GALNT18: variants seen among roughly 807,000 people sequenced by gnomAD.
The protein encoded by GALNT18 is polypeptide N-acetylgalactosaminyltransferase 18, also known as GalNAc-transferase 18.
A neutral mutation model predicts 69.5 loss-of-function variants in GALNT18; 44 were observed. The observed-to-expected ratio is 0.63, with a 90% CI of 0.50 to 0.81. The LOEUF (loss-of-function observed/expected upper bound fraction) is 0.81, where lower values mean the gene tolerates loss of function less well. GALNT18 is among the 40% of genes least tolerant of loss of function. The pLI is 0.00. For missense variants in GALNT18, 715 were observed against 810.0 expected (o/e 0.88, Z 1.42); for synonymous variants, 364 against 318.2 (o/e 1.14, Z -1.53).
rs1226603549 is a variant in GALNT18 at position 11,550,278 on chromosome 11, G to T, written c.235+71081C>A. ...TGGGATCTAGTCTCCTGGATCAGCA[G>T]GTTGCTAACACCTCTTCCCCAAAGG... is the stretch of plus-strand genomic sequence containing the variant. On this transcript the variant is annotated intron_variant, in intron 1 of 10. Coordinates refer to ENST00000227756, the MANE Select transcript of GALNT18 (RefSeq NM_198516.3). Among the ~76,000 whole-genome samples the T allele has an allele frequency of 4.6e-5, 7 of 152,324 alleles. No individual in the cohort carries two copies. The East Asian group carries it at 1.4e-3, about 29-fold the overall frequency.
intron 1 of GALNT18, among the ~76,000 whole-genome samples, chr11:11,544,223 T>G (rs1263491466): frequency 6.6e-6 from 1 of 152,170 alleles, no homozygotes; most frequent in East Asian, 1.9e-4. Flanking sequence ...GTAATGGACA[T>G]TGAGGGGACC....
intron 6 of GALNT18, among the ~76,000 whole-genome samples, chr11:11,348,034 C>T (rs1415809444): frequency 6.6e-6 from 1 of 151,952 alleles, no homozygotes; most frequent in East Asian, 1.9e-4. Flanking sequence ...ATTTTGTACC[C>T]TGGGCATTTC....
At chr11:11,443,305 C>T (rs927182312) in intron 2 of GALNT18, among the ~76,000 whole-genome samples, 1 of 152,174 alleles carries the variant, frequency 6.6e-6, no homozygotes, top group South Asian at 2.1e-4. Context: ...GTCCCCTCCT[C>T]CTACCTCTCC....
chr11:11,347,263 C>T lies in GALNT18; in HGVS notation c.1093-6259G>A, dbSNP rs1295743163. ...ATGATGCCCAGTACTTGAGACACAA[C>T]TGAGAGTTGTAAATTGGGTTAAAAT... On this transcript the variant is annotated intron_variant, in intron 6 of 10. Transcript: ENST00000227756. This position sits in a 1 kb window ranked among gnomAD's most constrained non-coding sequence, Gnocchi z 4.0. Among the ~76,000 whole-genome samples the T allele has an allele frequency of 6.6e-6, 1 of 152,184 alleles. No individual in the cohort carries two copies. The highest frequency in any genetic ancestry group is 2.4e-5 in the African/African-American group (1 of 41,442).
intron 6 of GALNT18, among the ~76,000 whole-genome samples, chr11:11,349,506 C>T (rs1481771162): frequency 6.6e-6 from 1 of 152,174 alleles, no homozygotes; most frequent in African/African-American, 2.4e-5. Context: ...GAAATTCTCC[C>T]TCACCGCAGT....
At chr11:11,392,719 C>T (rs2133718619) in intron 3 of GALNT18, among the ~76,000 whole-genome samples, 1 of 152,312 alleles carries the variant, frequency 6.6e-6, no homozygotes, top group East Asian at 1.9e-4. Context: ...CATGGGCTCA[C>T]CAAGTTTGTT....
chr11:11,542,538 C>A lies in GALNT18; in HGVS notation c.235+78821G>T, dbSNP rs1031770537. On this transcript the variant is annotated intron_variant, in intron 1 of 10. Coordinates refer to ENST00000227756, the MANE Select transcript of GALNT18 (RefSeq NM_198516.3). This position sits in a 1 kb window ranked among gnomAD's most constrained non-coding sequence, Gnocchi z 4.3. ...ATGCAAAGAATAATTCCTACCATGT[C>A]CTTGTTCCGGAAAACAGTCATGCCA... Among the ~76,000 whole-genome samples the A allele has an allele frequency of 6.6e-6, 1 of 152,214 alleles. No homozygotes were observed. Among genetic ancestry groups the A allele is most frequent in the African/African-American group, 2.4e-5 (1 of 41,452 alleles).
intron 6 of GALNT18, among the ~76,000 whole-genome samples, chr11:11,358,147 AT>A (rs1311551067): frequency 1.1e-5 from 1 of 93,620 alleles, no homozygotes; most frequent in African/African-American, 3.9e-5. Flanking sequence ...AGGGCACCTG[AT>A]CCCATTGTCT....
At chr11:11,516,518 C>G (rs1450795739) in intron 1 of GALNT18, among the ~76,000 whole-genome samples, 1 of 152,194 alleles carries the variant, frequency 6.6e-6, no homozygotes, top group Non-Finnish European at 1.5e-5. Flanking sequence ...GTAGTCCCAG[C>G]TACTCAGGAG....
At position 11,404,469 on chromosome 11, in the gene GALNT18, C is replaced by A. The variant is rs376976968; in HGVS notation, c.596-25205G>T. On this transcript the variant is annotated intron_variant, in intron 3 of 10. Coordinates refer to ENST00000227756, the MANE Select transcript of GALNT18 (RefSeq NM_198516.3). This position sits in a 1 kb window ranked among gnomAD's most constrained non-coding sequence, Gnocchi z 4.5. ...ACTCAAAGGCTGATGTAAGCCCTGG[C>A]CCGGAAGGAGTTAAGGATCAAACGG... is the stretch of plus-strand genomic sequence containing the variant. 6.6e-6 allele frequency among the ~76,000 whole-genome samples: 1 copy of A among 152,132 alleles called. No homozygotes were observed.
intron 1 of GALNT18, among the ~76,000 whole-genome samples, chr11:11,501,471 T>C (rs1043256245): frequency 3.9e-5 from 6 of 152,056 alleles, no homozygotes; most frequent in African/African-American, 1.2e-4. Context: ...GCATCAGAGG[T>C]GATTCATTGA....
chr11:11,481,212 TCTG>T (rs1856520903), intron 1 of GALNT18, among the ~76,000 whole-genome samples: 1 of 152,176 alleles, frequency 6.6e-6, no homozygotes, highest in Non-Finnish European at 1.5e-5. Flanking sequence ...AGGCAATTCA[TCTG>T]CAAATTCCCA....
chr11:11,429,450 A>G (rs919402828), intron 3 of GALNT18, among the ~76,000 whole-genome samples: 2 of 152,150 alleles, frequency 1.3e-5, no homozygotes, highest in African/African-American at 4.8e-5. Flanking sequence ...CCAAATCCGT[A>G]TTCCCACATT....
rs1860045562 is a variant in GALNT18 at position 11,616,252 on chromosome 11, C to T, written c.235+5107G>A. 6.6e-6 allele frequency among the ~76,000 whole-genome samples: 1 copy of T among 152,138 alleles called. No homozygotes were observed. Among genetic ancestry groups the T allele is most frequent in the Non-Finnish European group, 1.5e-5 (1 of 68,010 alleles). ...CTAGAGTAATCAAAGGAGTACAAAT[C>T]AAAAGAATAGAGCATTTGACAGGGA... On this transcript the variant is annotated intron_variant, in intron 1 of 10. Transcript: ENST00000227756. This position sits in a 1 kb window ranked among gnomAD's most constrained non-coding sequence, Gnocchi z 4.4.
At chr11:11,539,957 G>T (rs1314589590) in intron 1 of GALNT18, among the ~76,000 whole-genome samples, 1 of 152,206 alleles carries the variant, frequency 6.6e-6, no homozygotes, top group Non-Finnish European at 1.5e-5. Context: ...TGCCTTGCAG[G>T]GGTAAAGGGC....
intron 6 of GALNT18, among the ~76,000 whole-genome samples, chr11:11,350,246 G>A (rs1450241154): frequency 6.6e-6 from 1 of 152,216 alleles, no homozygotes; most frequent in Non-Finnish European, 1.5e-5. Context: ...TCAGCAAACT[G>A]GCCCATCCCA....
In GALNT18 at chr11:11,601,084, A is replaced by C. The variant is rs1859622893; in HGVS notation, c.235+20275T>G. Among the ~76,000 whole-genome samples, 3 of 152,108 alleles carry C rather than the reference A, an allele frequency of 2.0e-5. No individual in the cohort carries two copies. Among genetic ancestry groups the C allele is most frequent in the Non-Finnish European group, 4.4e-5 (3 of 68,012 alleles). On this transcript the variant is annotated intron_variant, in intron 1 of 10. Coordinates refer to ENST00000227756, the MANE Select transcript of GALNT18 (RefSeq NM_198516.3). This position sits in a 1 kb window ranked among gnomAD's most constrained non-coding sequence, Gnocchi z 4.0. ...CAGCATAGTTTCCTTTAGTTCTTTG[A>C]ACAAATATATAATAGCTACTTTGCT...
In GALNT18 at chr11:11,439,620, G is replaced by A. The variant is rs1855490857; in HGVS notation, c.429-6833C>T. On this transcript the variant is annotated intron_variant, in intron 2 of 10. Transcript: ENST00000227756. The surrounding 1 kb of genome is among the most constrained non-coding windows in gnomAD (Gnocchi z 4.4). ...AGACTATAAGCTGTACAAGGTTAGG[G>A]CCGTGTCTGCTTTGCTCATCAGGTA... Among the ~76,000 whole-genome samples, 1 of 152,214 alleles carries A rather than the reference G, an allele frequency of 6.6e-6. No individual in the cohort carries two copies. The highest frequency in any genetic ancestry group is 2.4e-5 in the African/African-American group (1 of 41,454).
intron 1 of GALNT18, among the ~76,000 whole-genome samples, chr11:11,489,924 C>G (rs891310551): frequency 2.8e-4 from 43 of 152,120 alleles, no homozygotes; most frequent in Admixed American, 2.6e-4. Flanking sequence ...TGGCTCTAGC[C>G]TCAGGGGTCT....
Sources: gnomAD v4.1 joint callset for allele counts (sites outside exome capture counted in the v4.1 genomes callset) on GRCh38, gnomAD v4.1.1 for gene constraint, Gnocchi (gnomAD v3.1) non-coding constraint, MANE v1.5 for transcripts, NCBI Gene and HGNC (gene_info 2026-07-23, HGNC 2026-07-21) for gene names.